MED12L: variants seen among roughly 807,000 people sequenced by gnomAD.
MED12L encodes mediator complex subunit 12L.
A neutral mutation model predicts 281.3 loss-of-function variants in MED12L; 60 were observed. The ratio of observed to expected loss-of-function variants is 0.21; its 90% CI spans 0.17 to 0.26. The LOEUF is 0.26. Among genes scored for constraint, MED12L ranks in the 10% least tolerant of loss-of-function variants. The pLI, the probability that MED12L is intolerant of heterozygous loss-of-function variation, is 1.00. For synonymous variants in MED12L, 974 were observed against 987.2 expected, an observed-to-expected ratio of 0.99 and a Z score of 0.25; for missense variants, 2,146 against 2,680.9, an observed-to-expected ratio of 0.80 and a Z score of 4.41.
intron 5 of MED12L, among the ~76,000 whole-genome samples, chr3:151,150,585 C>T (rs1011723157): frequency 2.0e-5 from 3 of 152,210 alleles, no homozygotes; most frequent in Non-Finnish European, 4.4e-5. Context: ...GTCAGCCTGT[C>T]TTTTAAGGAC....
intron 4 of MED12L, 87 bp from the exon 5 acceptor site, chr3:151,127,738 T>C: frequency 1.1e-6 from 1 of 943,716 alleles, no homozygotes; most frequent in East Asian, 2.7e-5. Flanking sequence ...TTACAGACTC[T>C]TTCTTTTGCT....
At chr3:151,403,250 A>G (rs907986638) in intron 39 of MED12L, among the ~76,000 whole-genome samples, 3 of 152,092 alleles carry the variant, frequency 2.0e-5, no homozygotes, top group African/African-American at 7.2e-5. Context: ...CATCATATAC[A>G]TCTATGGTAT....
At chr3:151,137,345 A>G (rs906320181) in intron 5 of MED12L, among the ~76,000 whole-genome samples, 1 of 152,150 alleles carries the variant, frequency 6.6e-6, no homozygotes. Flanking sequence ...TTGACATGAC[A>G]CCATTTGTCA....
At chr3:151,221,743 C>T (rs1729408663) in intron 16 of MED12L, among the ~76,000 whole-genome samples, 1 of 152,328 alleles carries the variant, frequency 6.6e-6, no homozygotes, top group Non-Finnish European at 1.5e-5. Flanking sequence ...AAGTTTGCTG[C>T]AGGGGCAGGG....
rs189520511 is a variant in MED12L at position 151,189,153 on chromosome 3, G to A, written c.1753+673G>A. 1.4e-3 allele frequency among the ~76,000 whole-genome samples: 208 copies of A among 152,326 alleles called. 1 individual carries two copies. The highest frequency in any genetic ancestry group is 2.3e-3 in the Non-Finnish European group (154 of 68,026). The stretch of plus-strand genomic sequence containing the variant: ...AAAAGTCAAAAGCAATAGAAAGAGG[G>A]AGAAAAAGGTTGGGGAGGAGGAAGA... On this transcript the variant is annotated intron_variant, in intron 13 of 44. Transcript: ENST00000687756.
At chr3:151,344,393 T>C (rs1388728923) in intron 16 of MED12L, among the ~76,000 whole-genome samples, 1 of 152,144 alleles carries the variant, frequency 6.6e-6, no homozygotes, top group Non-Finnish European at 1.5e-5. Flanking sequence ...CGAAGCTTAT[T>C]CCTGATGGAA....
intron 22 of MED12L, 80 bp downstream of exon 22, chr3:151,365,286 A>T: frequency 3.4e-6 from 4 of 1,176,750 alleles, no homozygotes; most frequent in Non-Finnish European, 5.1e-6. Context: ...TGTCGTTAGT[A>T]AGTGTCTGGA....
intron 16 of MED12L, 148 bp from the exon 17 acceptor site, chr3:151,349,911 C>T: frequency 1.9e-6 from 1 of 536,968 alleles, no homozygotes; most frequent in Non-Finnish European, 3.2e-6. Context: ...AGGGTGTTGC[C>T]AGTGGAGGTT....
At chr3:151,383,190 T>C (rs1393860497) in intron 33 of MED12L, among the ~76,000 whole-genome samples, 1 of 152,248 alleles carries the variant, frequency 6.6e-6, no homozygotes, top group African/African-American at 2.4e-5. Context: ...TCTCACATAT[T>C]GTGCATTCCT....
intron 16 of MED12L, among the ~76,000 whole-genome samples, chr3:151,251,869 TGTTTATATCTGATATTTATGTACA>T (rs1296690264): frequency 4.6e-5 from 7 of 152,252 alleles, no homozygotes; most frequent in Non-Finnish European, 7.3e-5. Context: ...CCACCTGATC[TGTTTATATCTGATATTTATGTACA>T]TGGAATCACC....
intron 11 of MED12L, among the ~76,000 whole-genome samples, chr3:151,181,771 A>G (rs1186480296): frequency 6.6e-6 from 1 of 151,748 alleles, no homozygotes; most frequent in East Asian, 1.9e-4. Context: ...TTTTTAGTAG[A>G]GATGGTGTTT....
intron 2 of MED12L, among the ~76,000 whole-genome samples, chr3:151,102,732 CAA>C (rs950942517): frequency 1.3e-5 from 2 of 152,138 alleles, no homozygotes; most frequent in Non-Finnish European, 1.5e-5. Context: ...CTGGGCCTCG[CAA>C]AGTGTTGGGG....
At chr3:151,123,063 T>G in intron 4 of MED12L, 89 bp downstream of exon 4, 2 of 1,147,220 alleles carry the variant, frequency 1.7e-6, no homozygotes, top group Non-Finnish European at 2.4e-6. Context: ...TTTTCCCAAT[T>G]CTTTTTGAGA....
Position 151,372,775 on chromosome 3 carries a change from ATTTAATTTGCCT to A in MED12L, c.3864+14_3864+25del. The A allele has an allele frequency of 6.2e-7, 1 of 1,608,668 alleles. No individual in the cohort carries two copies. The highest frequency in any genetic ancestry group is 1.1e-5 in the South Asian group (1 of 90,868). On this transcript the variant is annotated intron_variant, in intron 27 of 44. Coordinates refer to ENST00000687756, the MANE Select transcript of MED12L (RefSeq NM_001393769.1). ...GGACTATCTGTCAACAGGTATTCTA[ATTTAATTTGCCT>A]TTTACTTTGAGTACGTAACTCTTCT... is the stretch of plus-strand genomic sequence containing the variant.
intron 16 of MED12L, among the ~76,000 whole-genome samples, chr3:151,276,385 T>C (rs1050249806): frequency 6.6e-6 from 1 of 152,230 alleles, no homozygotes; most frequent in Non-Finnish European, 1.5e-5. Flanking sequence ...AAGGAAACAC[T>C]CCTTATTGTC....
At chr3:151,381,469 G>T (rs1368246078) in intron 32 of MED12L, among the ~76,000 whole-genome samples, 1 of 152,164 alleles carries the variant, frequency 6.6e-6, no homozygotes, top group Non-Finnish European at 1.5e-5. Flanking sequence ...TTTCCTCCAT[G>T]GTTGTTGCAC....
intron 11 of MED12L, among the ~76,000 whole-genome samples, chr3:151,173,814 G>T (rs1053611102): frequency 6.6e-6 from 1 of 152,194 alleles, no homozygotes; most frequent in African/African-American, 2.4e-5. Flanking sequence ...AATGCCAGTT[G>T]TTATGTTCTT....
intron 26 of MED12L, among the ~76,000 whole-genome samples, 191 bp downstream of exon 26, chr3:151,369,740 G>A (rs1364343400): frequency 6.6e-6 from 1 of 152,144 alleles, no homozygotes; most frequent in African/African-American, 2.4e-5. Flanking sequence ...CCCTTATCTA[G>A]TGTCTCTGGG....
intron 5 of MED12L, 64 bp downstream of exon 5, chr3:151,128,048 T>C (rs1714792656): frequency 7.0e-7 from 1 of 1,436,218 alleles, no homozygotes; most frequent in Non-Finnish European, 9.7e-7. Context: ...TTGTTGCCTG[T>C]ACCCTCTGGA....
Sources: allele counts gnomAD v4.1 joint callset (sites outside exome capture counted in the v4.1 genomes callset), GRCh38; gene constraint gnomAD v4.1.1; transcripts MANE v1.5; gene names NCBI Gene and HGNC (gene_info 2026-07-23, HGNC 2026-07-21).